ZNF423: variants seen among roughly 807,000 people sequenced by gnomAD.
ZNF423 encodes zinc finger protein 423, also known as Ebf-associated zinc finger protein.
In ZNF423, 12 loss-of-function variants were observed where a neutral mutation model predicts 95.8. The observed-to-expected ratio is 0.13, with a 90% CI of 0.08 to 0.20. The LOEUF is 0.20. ZNF423 is among the 10% of genes least tolerant of loss of function. ZNF423 has a pLI of 1.00. For missense variants in ZNF423, 1,316 were observed against 1,737.1 expected (o/e 0.76, Z 4.31); for synonymous variants, 749 against 711.9 (o/e 1.05, Z -0.83).
chr16:49,754,545 C>T (rs1392967227), intron 2 of ZNF423, among the ~76,000 whole-genome samples: 2 of 152,184 alleles, frequency 1.3e-5, no homozygotes, highest in Non-Finnish European at 2.9e-5. Context: ...CCAGAAGAGG[C>T]TTCCAGGTCC....
chr16:49,718,342 G>A (rs977692711), intron 3 of ZNF423, among the ~76,000 whole-genome samples: 12 of 152,266 alleles, frequency 7.9e-5, no homozygotes, highest in African/African-American at 1.2e-4. Flanking sequence ...GGAGGTGGAG[G>A]CTGCAGTGAG....
At chr16:49,849,237 C>T (rs1341994705) in intron 1 of ZNF423, among the ~76,000 whole-genome samples, 4 of 152,116 alleles carry the variant, frequency 2.6e-5, no homozygotes, top group South Asian at 2.1e-4. Flanking sequence ...TTCTACATGA[C>T]GTCATTCAGG....
At chr16:49,733,844 G>A (rs953149441) in intron 2 of ZNF423, among the ~76,000 whole-genome samples, 5 of 152,198 alleles carry the variant, frequency 3.3e-5, no homozygotes, top group African/African-American at 4.8e-5. Flanking sequence ...GAACAGGAAG[G>A]CCTCCACCCC....
intron 5 of ZNF423, among the ~76,000 whole-genome samples, chr16:49,580,155 T>A (rs1970625865): frequency 6.6e-6 from 1 of 152,136 alleles, no homozygotes; most frequent in Non-Finnish European, 1.5e-5. Flanking sequence ...TTGCAGAGAA[T>A]AAAATCCCAG....
At chr16:49,663,595 C>G (rs2030368432) in intron 3 of ZNF423, among the ~76,000 whole-genome samples, 1 of 152,184 alleles carries the variant, frequency 6.6e-6, no homozygotes. Flanking sequence ...GCCAGTGGTG[C>G]AGGAAGTGGG....
intron 2 of ZNF423, among the ~76,000 whole-genome samples, chr16:49,741,141 A>G (rs989227980): frequency 3.3e-5 from 5 of 151,610 alleles, no homozygotes; most frequent in African/African-American, 9.7e-5. Flanking sequence ...ACAGAAGCCC[A>G]CCCAGGGAGG....
rs546340238 is a variant in ZNF423 at position 49,498,432 on chromosome 16, G to A, written c.3850-7128C>T. Among the ~76,000 whole-genome samples the A allele has an allele frequency of 3.9e-5, 6 of 152,356 alleles. No homozygotes were observed. The South Asian group carries it at 8.3e-4, about 21-fold the overall frequency. On this transcript the variant is annotated intron_variant, in intron 7 of 7. Coordinates refer to ENST00000563137, the MANE Select transcript of ZNF423 (RefSeq NM_001379286.1). ...TCAGCTTGGCAGAAGCACAGGGTAT[G>A]TGCCATGGAGACCAGCCTGGAGAGG...
At chr16:49,513,745 T>G (rs1968001305) in intron 7 of ZNF423, among the ~76,000 whole-genome samples, 1 of 152,038 alleles carries the variant, frequency 6.6e-6, no homozygotes, top group Non-Finnish European at 1.5e-5. Flanking sequence ...GGTGTAGACG[T>G]AGTGACTTAC....
chr16:49,600,140 T>C (rs780477239), intron 5 of ZNF423, among the ~76,000 whole-genome samples: 16 of 151,896 alleles, frequency 1.1e-4, no homozygotes, highest in Non-Finnish European at 2.1e-4. Context: ...GGTGAAACCC[T>C]GTCTCTACCA....
chr16:49,823,279 C>A (rs924195637), intron 1 of ZNF423, among the ~76,000 whole-genome samples: 1 of 152,224 alleles, frequency 6.6e-6, no homozygotes, highest in African/African-American at 2.4e-5. Context: ...TCAGAGCAAC[C>A]TTTTCTCTTG....
At chr16:49,757,081 G>A (rs2033741702) in intron 2 of ZNF423, among the ~76,000 whole-genome samples, 1 of 152,194 alleles carries the variant, frequency 6.6e-6, no homozygotes, top group Non-Finnish European at 1.5e-5. Context: ...TACTTGTCAC[G>A]ATGCACAATG....
At chr16:49,820,009 G>T (rs1276580539) in intron 1 of ZNF423, among the ~76,000 whole-genome samples, 1 of 152,022 alleles carries the variant, frequency 6.6e-6, no homozygotes, top group East Asian at 1.9e-4. Context: ...ATTATTAAAG[G>T]TATATTTGTT....
intron 2 of ZNF423, among the ~76,000 whole-genome samples, chr16:49,782,654 T>C (rs1374762699): frequency 6.6e-6 from 1 of 152,188 alleles, no homozygotes; most frequent in Non-Finnish European, 1.5e-5. Context: ...CTGTGTCCTA[T>C]CTCTGGCCCA....
At chr16:49,792,506 C>T (rs1016016075) in intron 1 of ZNF423, among the ~76,000 whole-genome samples, 2 of 152,226 alleles carry the variant, frequency 1.3e-5, no homozygotes, top group Non-Finnish European at 2.9e-5. Context: ...TCACTACAGG[C>T]TTCCTGGTCC....
chr16:49,804,929 T>A (rs1459359269), intron 1 of ZNF423, among the ~76,000 whole-genome samples: 1 of 141,304 alleles, frequency 7.1e-6, no homozygotes, highest in Non-Finnish European at 1.5e-5. Flanking sequence ...AGAGTCTTAC[T>A]TACTCTGTCC....
intron 2 of ZNF423, among the ~76,000 whole-genome samples, chr16:49,772,121 G>A (rs1003356597): frequency 2.6e-5 from 4 of 152,332 alleles, no homozygotes; most frequent in African/African-American, 4.8e-5. Flanking sequence ...TGCAGTTCAT[G>A]TCCAAATCCC....
At chr16:49,838,778 G>A (rs1307754432) in intron 1 of ZNF423, among the ~76,000 whole-genome samples, 3 of 151,806 alleles carry the variant, frequency 2.0e-5, no homozygotes, top group African/African-American at 4.8e-5. Context: ...TGCGCAGCCT[G>A]CGCCTTCCCA....
intron 1 of ZNF423, among the ~76,000 whole-genome samples, chr16:49,811,728 C>A (rs1439136458): frequency 6.6e-6 from 1 of 152,044 alleles, no homozygotes; most frequent in Non-Finnish European, 1.5e-5. Context: ...CTCTGCTGCT[C>A]CAGGACTACA....
At chr16:49,498,652 C>T (rs1192578342) in intron 7 of ZNF423, among the ~76,000 whole-genome samples, 2 of 152,224 alleles carry the variant, frequency 1.3e-5, no homozygotes, top group Non-Finnish European at 2.9e-5. Flanking sequence ...CCTCTGCTCC[C>T]ATCCCCTGTT....
Sources: gnomAD v4.1 joint callset for allele counts (sites outside exome capture counted in the v4.1 genomes callset) on GRCh38, gnomAD v4.1.1 for gene constraint, MANE v1.5 for transcripts, NCBI Gene and HGNC (gene_info 2026-07-23, HGNC 2026-07-21) for gene names.